Variants in DLGAP2 observed in about 807,000 individuals in gnomAD.
DLGAP2 encodes the protein disks large-associated protein 2.
In DLGAP2, 26 loss-of-function variants were observed where a neutral mutation model predicts 100.3. The observed-to-expected ratio is 0.26, with a 90% CI of 0.19 to 0.36. The LOEUF (loss-of-function observed/expected upper bound fraction) is 0.36. Ranked by LOEUF, DLGAP2 falls within the 10% of genes least tolerant of loss-of-function variation. The probability of loss-of-function intolerance (pLI) is 1.00; values close to 1 mark genes in which losing one functional copy is unlikely to be tolerated. For synonymous variants in DLGAP2, 886 were observed against 630.1 expected (o/e 1.41, Z -6.08); for missense variants, 1,858 against 1,453.2 (o/e 1.28, Z -4.53).
chr8:1,660,765 G>A (rs1384927016), intron 8 of DLGAP2, among the ~76,000 whole-genome samples: 1 of 152,198 alleles, frequency 6.6e-6, no homozygotes. Context: ...TGCAGAGATG[G>A]CGTTTCAGAT....
At chr8:1,351,368 G>A (rs1401093849) in intron 3 of DLGAP2, among the ~76,000 whole-genome samples, 2 of 50,898 alleles carry the variant, frequency 3.9e-5, no homozygotes, top group African/African-American at 1.2e-4. Context: ...TCCTGACTGT[G>A]TGTGGAAAGG....
intron 8 of DLGAP2, among the ~76,000 whole-genome samples, chr8:1,662,114 T>TA (rs1208966949): frequency 2.0e-5 from 3 of 152,200 alleles, no homozygotes; most frequent in Non-Finnish European, 4.4e-5. Flanking sequence ...GCTTTGGAAA[T>TA]CAGTGGGTCC....
At chr8:1,314,389 A>G (rs557226558) in intron 3 of DLGAP2, among the ~76,000 whole-genome samples, 9 of 152,386 alleles carry the variant, frequency 5.9e-5, no homozygotes, top group African/African-American at 1.9e-4. Flanking sequence ...ATTCTGTCAC[A>G]GTAATGAAAT....
chr8:1,651,777 C>G (rs1293204539), intron 8 of DLGAP2, among the ~76,000 whole-genome samples: 1 of 152,190 alleles, frequency 6.6e-6, no homozygotes. Flanking sequence ...ATCGTATTTT[C>G]CATCTGGGTA....
chr8:1,499,001 C>G (rs1209017711), intron 3 of DLGAP2, among the ~76,000 whole-genome samples: 3 of 152,222 alleles, frequency 2.0e-5, no homozygotes, highest in Non-Finnish European at 2.9e-5. Context: ...CACACAGCTT[C>G]CAGACCTCCT....
At chr8:1,523,311 C>G (rs1162341269) in intron 4 of DLGAP2, among the ~76,000 whole-genome samples, 1 of 152,244 alleles carries the variant, frequency 6.6e-6, no homozygotes, top group African/African-American at 2.4e-5. Context: ...GACCAAGACA[C>G]ACGACAGAGA....
chr8:1,010,707 T>C (rs1173983935), intron 2 of DLGAP2, among the ~76,000 whole-genome samples: 1 of 152,244 alleles, frequency 6.6e-6, no homozygotes, highest in Non-Finnish European at 1.5e-5. Context: ...AATAATTTCC[T>C]CTCAATTTCC....
intron 3 of DLGAP2, among the ~76,000 whole-genome samples, chr8:1,483,145 G>A (rs913856061): frequency 1.2e-4 from 19 of 152,208 alleles, no homozygotes; most frequent in Admixed American, 3.9e-4. Context: ...GGTGCACCGA[G>A]CTGCTGCTGG....
intron 4 of DLGAP2, 70 bp from the exon 5 acceptor site, chr8:1,548,556 A>C (rs1420620407): frequency 7.4e-7 from 1 of 1,356,184 alleles, no homozygotes; most frequent in African/African-American, 1.5e-5. Context: ...GGTGGGGGTC[A>C]CATATTCCCC....
chr8:1,252,039 T>A (rs1040351282), intron 2 of DLGAP2, among the ~76,000 whole-genome samples: 11 of 145,284 alleles, frequency 7.6e-5, no homozygotes, highest in Non-Finnish European at 1.3e-4. Flanking sequence ...AATGTCAGAG[T>A]CATGTCATGT....
chr8:1,686,836 A>G (rs1047188538), intron 12 of DLGAP2, among the ~76,000 whole-genome samples: 1 of 152,236 alleles, frequency 6.6e-6, no homozygotes, highest in Non-Finnish European at 1.5e-5. Flanking sequence ...AACATGGTTA[A>G]TAATGTATCA....
intron 8 of DLGAP2, 98 bp downstream of exon 8, chr8:1,633,144 T>C: frequency 1.8e-6 from 2 of 1,136,470 alleles, no homozygotes; most frequent in Non-Finnish European, 2.6e-6. Context: ...CACAGTACAA[T>C]GTACTCTCCT....
At chr8:1,184,007 C>G (rs1239213162) in intron 2 of DLGAP2, among the ~76,000 whole-genome samples, 3 of 152,142 alleles carry the variant, frequency 2.0e-5, no homozygotes, top group African/African-American at 4.8e-5. Context: ...AGCTTTTCAC[C>G]ATGATCACTG....
At chr8:1,126,033 G>T (rs571262158) in intron 2 of DLGAP2, among the ~76,000 whole-genome samples, 11 of 152,322 alleles carry the variant, frequency 7.2e-5, no homozygotes, top group African/African-American at 2.6e-4. Flanking sequence ...AAAACTGTTT[G>T]TGTATCCCCT....
chr8:1,605,360 C>T (rs1050153540), intron 6 of DLGAP2, among the ~76,000 whole-genome samples: 2 of 152,166 alleles, frequency 1.3e-5, no homozygotes, highest in African/African-American at 2.4e-5. Context: ...TACAGCAGGG[C>T]TCTCAGAGTG....
intron 2 of DLGAP2, among the ~76,000 whole-genome samples, chr8:950,568 A>G (rs1799452622): frequency 2.0e-5 from 3 of 150,224 alleles, no homozygotes; most frequent in South Asian, 2.1e-4. Flanking sequence ...TCTGACCATT[A>G]CTTCTCACCT....
At chr8:1,435,856 G>C (rs540543448) in intron 3 of DLGAP2, among the ~76,000 whole-genome samples, 2 of 151,806 alleles carry the variant, frequency 1.3e-5, no homozygotes, top group African/African-American at 4.8e-5. Flanking sequence ...TTGGGTCTTA[G>C]TGCTTAACAA....
chr8:1,417,697 C>T (rs79998355), intron 3 of DLGAP2, among the ~76,000 whole-genome samples: 1,513 of 74,860 alleles, frequency 0.02, 122 homozygotes, highest in Middle Eastern at 0.03. Flanking sequence ...ACAGGGGGCC[C>T]CACTCCTGCC....
chr8:1,653,625 G>A (rs1415024866), intron 8 of DLGAP2, among the ~76,000 whole-genome samples: 1 of 152,196 alleles, frequency 6.6e-6, no homozygotes, highest in Non-Finnish European at 1.5e-5. Flanking sequence ...GGGCAAGTCA[G>A]GATGTTTGGG....
Sources: allele counts gnomAD v4.1 joint callset (sites outside exome capture counted in the v4.1 genomes callset), GRCh38; gene constraint gnomAD v4.1.1; transcripts MANE v1.5; gene names NCBI Gene and HGNC (gene_info 2026-07-23, HGNC 2026-07-21).